Variants in CREBRF observed in about 807,000 individuals in gnomAD.
CREBRF encodes CREB3 regulatory factor.
In CREBRF, 5 loss-of-function variants were observed where a neutral mutation model predicts 66.1. The observed-to-expected ratio is 0.08, with a 90% CI of 0.04 to 0.16. CREBRF has a LOEUF of 0.16. CREBRF is among the 10% of genes least tolerant of loss of function. CREBRF has a pLI of 1.00. For missense variants in CREBRF, 531 were observed against 744.9 expected, an observed-to-expected ratio of 0.71 and a Z score of 3.34; for synonymous variants, 229 against 264.4, an observed-to-expected ratio of 0.87 and a Z score of 1.30.
chr5:173,077,654 A>G (rs1347225534), intron 1 of CREBRF, among the ~76,000 whole-genome samples: 6 of 152,124 alleles, frequency 3.9e-5, no homozygotes, highest in Admixed American at 2.0e-4. Context: ...CAGCCTCTCA[A>G]AAGTGCTGGG....
At chr5:173,066,109 A>C (rs1757429910) in intron 1 of CREBRF, among the ~76,000 whole-genome samples, 1 of 152,088 alleles carries the variant, frequency 6.6e-6, no homozygotes, top group Non-Finnish European at 1.5e-5. Flanking sequence ...GCCACCTCTC[A>C]TTATCTTTTA....
chr5:173,084,690 G>A (rs1366638330), intron 2 of CREBRF, among the ~76,000 whole-genome samples: 1 of 152,134 alleles, frequency 6.6e-6, no homozygotes, highest in African/African-American at 2.4e-5. Context: ...TGCCCAGGCT[G>A]GAGTGCAGTG....
intron 5 of CREBRF, 139 bp from the exon 6 acceptor site, chr5:173,110,383 A>G: frequency 1.4e-6 from 1 of 732,626 alleles, no homozygotes; most frequent in South Asian, 1.5e-5. Flanking sequence ...ATTGTTAAAC[A>G]TGCTAAGACT....
At chr5:173,059,025 C>G in intron 1 of CREBRF, among the ~76,000 whole-genome samples, 1 of 151,682 alleles carries the variant, frequency 6.6e-6, no homozygotes, top group East Asian at 1.9e-4. Flanking sequence ...TCTCGAACTT[C>G]TGGCTTTAGG....
intron 4 of CREBRF, among the ~76,000 whole-genome samples, chr5:173,097,836 A>G (rs1242504588): frequency 1.3e-5 from 2 of 152,018 alleles, no homozygotes; most frequent in Admixed American, 1.3e-4. Context: ...AAAACTCTTC[A>G]TTGATCTTTT....
intron 1 of CREBRF, among the ~76,000 whole-genome samples, chr5:173,059,021 A>T (rs1402316635): frequency 1.3e-5 from 2 of 151,134 alleles, no homozygotes; most frequent in Non-Finnish European, 2.9e-5. Context: ...CTGGTCTCGA[A>T]CTTCTGGCTT....
At chr5:173,122,994 A>C (rs913763630) in intron 7 of CREBRF, 86 bp from the exon 8 acceptor site, 2 of 1,316,848 alleles carry the variant, frequency 1.5e-6, no homozygotes, top group African/African-American at 3.0e-5. Flanking sequence ...AATCCAGTCC[A>C]TTTCTTAATT....
chr5:173,083,211 C>CA (rs986764846), intron 2 of CREBRF, among the ~76,000 whole-genome samples: 20 of 149,650 alleles, frequency 1.3e-4, no homozygotes, highest in South Asian at 1.3e-3. Flanking sequence ...TCTGTCTCTC[C>CA]AAAAAAAAAT....
chr5:173,137,570 G>T lies in CREBRF; in HGVS notation c.*3825G>T, dbSNP rs1759615697. 1 of 151,884 alleles carries T rather than the reference G, an allele frequency of 6.6e-6. No homozygotes were observed. The allele number at this position is 151,884 out of a possible 1,614,324, so 9.4% of individuals were successfully genotyped here. On this transcript the variant is annotated 3_prime_UTR_variant, in exon 9 of 9. Transcript: ENST00000296953. Reference sequence around the variant, plus strand: ...GAAATTGACTATTTCATTTTTCCAGGATTTTTTAGGAGAAGAGTACCCATT... The same window carrying T: ...GAAATTGACTATTTCATTTTTCCAGTATTTTTTAGGAGAAGAGTACCCATT...
chr5:173,081,205 C>A (rs1757929990), intron 2 of CREBRF, among the ~76,000 whole-genome samples: 1 of 152,168 alleles, frequency 6.6e-6, no homozygotes. Flanking sequence ...CCCCCAACCC[C>A]TCTCATCTCT....
In CREBRF at chr5:173,108,916, C is replaced by T. The variant is rs962765978; in HGVS notation, c.1417+98C>T. ...CCGTGTACCTAGGCATTCAGCCCTT[C>T]CTAGCAAACTGGAGATGGGGACTGT... On this transcript the variant is annotated intron_variant, in intron 5 of 8. Transcript: ENST00000296953. The T allele has an allele frequency of 1.7e-5, 18 of 1,077,428 alleles. No homozygotes were observed. The African/African-American group carries it at 2.7e-4, about 16-fold the overall frequency. 66.7% of individuals were successfully genotyped at this position (1,077,428 alleles called of 1,614,324 possible).
intron 4 of CREBRF, among the ~76,000 whole-genome samples, chr5:173,096,806 A>C (rs1758489964): frequency 6.6e-6 from 1 of 152,072 alleles, no homozygotes. Flanking sequence ...AAATTCTTTC[A>C]GATCTTGAAG....
intron 4 of CREBRF, 47 bp from the exon 5 acceptor site, chr5:173,108,576 AT>A (rs1758800871): frequency 6.6e-7 from 1 of 1,512,012 alleles, no homozygotes; most frequent in Non-Finnish European, 9.0e-7. Flanking sequence ...GTTCTGATTG[AT>A]TTATTGAAAT....
At chr5:173,070,252 TACAGTGTGTG>T (rs1757557983) in intron 1 of CREBRF, among the ~76,000 whole-genome samples, 1 of 152,142 alleles carries the variant, frequency 6.6e-6, no homozygotes, top group East Asian at 1.9e-4. Flanking sequence ...TCAAAGTTGT[TACAGTGTGTG>T]AAGAATGTGT....
At chr5:173,092,190 G>C in intron 4 of CREBRF, 1 of 957,814 alleles carries the variant, frequency 1.0e-6, no homozygotes, top group Non-Finnish European at 1.2e-6. Context: ...AGTGATGATG[G>C]TTTATATTAC....
intron 6 of CREBRF, 74 bp from the exon 7 acceptor site, chr5:173,112,232 C>T (rs1758886881): frequency 5.5e-6 from 6 of 1,096,698 alleles, no homozygotes; most frequent in Middle Eastern, 3.1e-4. Flanking sequence ...AGCGAGACCC[C>T]TTCTCCGTAA....
At chr5:173,131,995 G>T (rs534111027) in intron 8 of CREBRF, among the ~76,000 whole-genome samples, 1 of 151,230 alleles carries the variant, frequency 6.6e-6, no homozygotes, top group African/African-American at 2.4e-5. Context: ...CTCCTAAAGT[G>T]CTGAGATGAC....
intron 1 of CREBRF, among the ~76,000 whole-genome samples, chr5:173,070,303 G>A (rs1276889430): frequency 6.6e-6 from 1 of 152,154 alleles, no homozygotes; most frequent in African/African-American, 2.4e-5. Flanking sequence ...GTGTGCTCCA[G>A]TGCATTCTCA....
chr5:173,083,354 A>G (rs991405736), intron 2 of CREBRF, among the ~76,000 whole-genome samples: 2 of 152,132 alleles, frequency 1.3e-5, no homozygotes, highest in African/African-American at 2.4e-5. Context: ...CGGGATTTGT[A>G]TAGATGTTAA....
Sources: gnomAD v4.1 joint callset for allele counts (sites outside exome capture counted in the v4.1 genomes callset) on GRCh38, gnomAD v4.1.1 for gene constraint, MANE v1.5 for transcripts, NCBI Gene and HGNC (gene_info 2026-07-23, HGNC 2026-07-21) for gene names.